TUBGCP4: variants seen among roughly 807,000 people sequenced by gnomAD.
TUBGCP4 encodes gamma-tubulin complex component 4.
Under a neutral mutation model 91.6 loss-of-function variants are expected in TUBGCP4, and 54 were observed. The ratio of observed to expected loss-of-function variants is 0.59; its 90% CI spans 0.47 to 0.74. The LOEUF (loss-of-function observed/expected upper bound fraction) is 0.74. Among genes scored for constraint, TUBGCP4 ranks in the 30% least tolerant of loss-of-function variants. TUBGCP4 has a pLI of 0.00. For synonymous variants in TUBGCP4, 297 were observed against 302.8 expected (o/e 0.98, Z 0.20); for missense variants, 593 against 800.9 (o/e 0.74, Z 3.13).
At position 43,407,819 on chromosome 15, in the gene TUBGCP4, T is replaced by C. The variant is rs1294070842; in HGVS notation, c.*2605T>C. Reference sequence around the variant, plus strand: ...GACTCACCTCTTGAAGGTGGTACTTTTCTTCTCTAAGAAACATGGATACGG... The same window carrying C: ...GACTCACCTCTTGAAGGTGGTACTTCTCTTCTCTAAGAAACATGGATACGG... On this transcript the variant is annotated 3_prime_UTR_variant, in exon 18 of 18. Coordinates refer to ENST00000564079, the MANE Select transcript of TUBGCP4 (RefSeq NM_014444.5). 1 of 1,059,300 alleles carries C rather than the reference T, an allele frequency of 9.4e-7. No individual in the cohort carries two copies. Among genetic ancestry groups the C allele is most frequent in the Non-Finnish European group, 1.4e-6 (1 of 733,284 alleles). 65.6% of individuals were successfully genotyped at this position (1,059,300 alleles called of 1,614,324 possible). A position where few individuals can be genotyped will look rare whatever the true frequency, so the allele number is the denominator to read the frequency against.
chr15:43,377,106 G>A (rs1021981071), intron 4 of TUBGCP4, 39 bp downstream of exon 4: 2 of 1,520,624 alleles, frequency 1.3e-6, no homozygotes, highest in Non-Finnish European at 1.8e-6. Flanking sequence ...GCAATCTGTT[G>A]ATAGTGTTAG....
At chr15:43,390,595 C>T (rs1452805141) in intron 9 of TUBGCP4, among the ~76,000 whole-genome samples, 2 of 151,346 alleles carry the variant, frequency 1.3e-5, no homozygotes, top group African/African-American at 2.4e-5. Flanking sequence ...CTGCAGCCTC[C>T]ACCTCCCAGG....
intron 13 of TUBGCP4, chr15:43,399,202 C>A: frequency 2.5e-6 from 3 of 1,178,820 alleles, no homozygotes; most frequent in South Asian, 1.5e-5. Flanking sequence ...TACCAGGAAT[C>A]AGCTGTTCTT....
At chr15:43,386,725 CAAAAA>C (rs10718458) in intron 9 of TUBGCP4, among the ~76,000 whole-genome samples, 3 of 67,012 alleles carry the variant, frequency 4.5e-5, no homozygotes, top group Admixed American at 1.7e-4. Context: ...ACTCTGTCTC[CAAAAA>C]AAAAAAAAAA....
At chr15:43,382,180 C>A in intron 6 of TUBGCP4, among the ~76,000 whole-genome samples, 1 of 150,516 alleles carries the variant, frequency 6.6e-6, no homozygotes, top group Non-Finnish European at 1.5e-5. Flanking sequence ...CTACAGCACT[C>A]CAGCCTGGGC....
At chr15:43,387,247 G>A (rs1053237942) in intron 9 of TUBGCP4, among the ~76,000 whole-genome samples, 1 of 151,562 alleles carries the variant, frequency 6.6e-6, no homozygotes, top group Non-Finnish European at 1.5e-5. Flanking sequence ...CCGACTCCTG[G>A]TGCACAGTCT....
In TUBGCP4 at chr15:43,398,383, A is replaced by T. The variant is rs992457636; in HGVS notation, c.1418+204A>T. 41 of 81,804 alleles carry T rather than the reference A, an allele frequency of 5.0e-4. No homozygotes were observed. In the African/African-American group the frequency reaches 8.3e-3, roughly 17 times the overall value. The allele number at this position is 81,804 out of a possible 1,614,324, so 5.1% of individuals were successfully genotyped here. A position where few individuals can be genotyped will look rare whatever the true frequency, so the allele number is the denominator to read the frequency against. On this transcript the variant is annotated intron_variant, in intron 13 of 17. Transcript: ENST00000564079. Reference sequence around the variant, plus strand: ...CAACATAGTAAGACCCCCATCTCATAAAAAAAAAAAAAAAAATTAATGGGA... The same window carrying T: ...CAACATAGTAAGACCCCCATCTCATTAAAAAAAAAAAAAAAATTAATGGGA...
At chr15:43,396,243 C>T (rs1403435234) in intron 11 of TUBGCP4, among the ~76,000 whole-genome samples, 1 of 152,180 alleles carries the variant, frequency 6.6e-6, no homozygotes, top group Non-Finnish European at 1.5e-5. Flanking sequence ...AGGAACTGAA[C>T]CCAGTCCCTC....
rs1042923059 is a variant in TUBGCP4 at position 43,397,249 on chromosome 15, G to T, written c.1207G>T (p.Val403Leu). ...GGCCTTTCAACAGTCAGCACACAAGGTATTGCTAGATGATGACAACCTTCT... is the reference window on the plus strand; with the variant it reads ...GGCCTTTCAACAGTCAGCACACAAGTTATTGCTAGATGATGACAACCTTCT... Reference protein sequence around the residue: ...NVAFQQSAHKVLLDDDNLLPL... With the variant: ...NVAFQQSAHKLLLDDDNLLPL... Residue 403 changes from valine to leucine, a missense_variant, in exon 12 of 18, where the codon GTA becomes TTA. By Grantham distance (32) the Val-to-Leu change is conservative. Coordinates refer to ENST00000564079, the MANE Select transcript of TUBGCP4 (RefSeq NM_014444.5). The T allele has an allele frequency of 1.9e-6, 3 of 1,614,026 alleles. No individual in the cohort carries two copies. The highest frequency in any genetic ancestry group is 3.3e-5 in the Admixed American group (2 of 59,988).
At position 43,386,173 on chromosome 15, in the gene TUBGCP4, G is replaced by A. The variant is rs549445715; in HGVS notation, c.890-33G>A. ...ACCCTAACTGTCCTGGGTATTCTCCGTCCTCCTTTGACGGTGTCTTCCTAT... is the reference window on the plus strand; with the variant it reads ...ACCCTAACTGTCCTGGGTATTCTCCATCCTCCTTTGACGGTGTCTTCCTAT... On this transcript the variant is annotated intron_variant, in intron 8 of 17. Coordinates refer to ENST00000564079, the MANE Select transcript of TUBGCP4 (RefSeq NM_014444.5). 46 of 1,587,662 alleles carry A rather than the reference G, an allele frequency of 2.9e-5. No individual in the cohort carries two copies. The Admixed American group carries it at 5.7e-4, about 20-fold the overall frequency.
In TUBGCP4 at chr15:43,406,539, G is replaced by A. The variant is rs2044889905; in HGVS notation, c.*1325G>A. 2.2e-6 allele frequency: 1 copy of A among 454,686 alleles called. No individual in the cohort carries two copies. Among genetic ancestry groups the A allele is most frequent in the Non-Finnish European group, 4.4e-6 (1 of 226,402 alleles). 28.2% of individuals were successfully genotyped at this position (454,686 alleles called of 1,614,324 possible). A position where few individuals can be genotyped will look rare whatever the true frequency, so the allele number is the denominator to read the frequency against. ...TTTCATGCCCTCACAGCAAAGGCGA[G>A]TAGTTGTGATGGATCAAATGGCCCA... On this transcript the variant is annotated 3_prime_UTR_variant, in exon 18 of 18. Transcript: ENST00000564079.
intron 14 of TUBGCP4, 39 bp downstream of exon 14, chr15:43,400,260 A>T: frequency 6.3e-7 from 1 of 1,586,584 alleles, no homozygotes; most frequent in Non-Finnish European, 8.6e-7. Flanking sequence ...GGGGTACGGA[A>T]AAACGTCTAG....
chr15:43,406,738 G>A lies in TUBGCP4; in HGVS notation c.*1524G>A, dbSNP rs888687014. 1.3e-5 allele frequency: 5 copies of A among 397,302 alleles called. No individual in the cohort carries two copies. The highest frequency in any genetic ancestry group is 2.0e-5 in the Non-Finnish European group (4 of 201,624). The allele number at this position is 397,302 out of a possible 1,614,324, so 24.6% of individuals were successfully genotyped here. ...AATATTGGGTCTTTGACTAGAACGT[G>A]TAACATTTCCAGGTGTTCTCACTTG... On this transcript the variant is annotated 3_prime_UTR_variant, in exon 18 of 18. Coordinates refer to ENST00000564079, the MANE Select transcript of TUBGCP4 (RefSeq NM_014444.5).
chr15:43,386,067 C>G, intron 8 of TUBGCP4, 111 bp downstream of exon 8: 2 of 1,524,356 alleles, frequency 1.3e-6, no homozygotes, highest in Non-Finnish European at 1.8e-6. Flanking sequence ...TATTCCTATC[C>G]TGAGATTGTA....
Position 43,404,697 on chromosome 15 carries a change from A to G in TUBGCP4, c.1988+145A>G. 7.2e-6 allele frequency: 6 copies of G among 837,576 alleles called. No homozygotes were observed. The South Asian group carries it at 1.2e-4, about 17-fold the overall frequency. The allele number at this position is 837,576 out of a possible 1,614,324, so 51.9% of individuals were successfully genotyped here. A position where few individuals can be genotyped will look rare whatever the true frequency, so the allele number is the denominator to read the frequency against. ...AGAGATAGAGGTGTGACCATCTTTA[A>G]TAATTTTAATGGAGGTTATTTTCTA... On this transcript the variant is annotated intron_variant, in intron 17 of 17. Transcript: ENST00000564079.
chr15:43,392,141 C>A (rs2044481564), intron 9 of TUBGCP4, among the ~76,000 whole-genome samples: 2 of 148,836 alleles, frequency 1.3e-5, no homozygotes, highest in African/African-American at 5.0e-5. Context: ...TGTTTGAATT[C>A]TGTGTTTCAT....
chr15:43,379,944 C>A, intron 5 of TUBGCP4, 140 bp from the exon 6 acceptor site: 1 of 777,980 alleles, frequency 1.3e-6, no homozygotes, highest in Non-Finnish European at 2.2e-6. Context: ...TCTTTGAGAA[C>A]CACTATGTGT....
At position 43,405,122 on chromosome 15, in the gene TUBGCP4, A is replaced by C. The variant is rs182183410; in HGVS notation, c.1989-80A>C. The C allele has an allele frequency of 2.3e-5, 34 of 1,500,932 alleles. No homozygotes were observed. In the African/African-American group the frequency reaches 3.9e-4, roughly 17 times the overall value. 93.0% of individuals were successfully genotyped at this position (1,500,932 alleles called of 1,614,324 possible). On this transcript the variant is annotated intron_variant, in intron 17 of 17. Coordinates refer to ENST00000564079, the MANE Select transcript of TUBGCP4 (RefSeq NM_014444.5). ...TTTAAGATGACATTATTTAGATCAC[A>C]GGTTATCCTGATTCATATTTCTTTG...
chr15:43,386,090 C>T (rs569993963), intron 8 of TUBGCP4, 116 bp from the exon 9 acceptor site: 19 of 1,521,884 alleles, frequency 1.2e-5, no homozygotes, highest in African/African-American at 1.2e-4. Context: ...AGAATCATGA[C>T]GTTTGTCTGA....
Sources: gnomAD v4.1 joint callset for allele counts (sites outside exome capture counted in the v4.1 genomes callset) on GRCh38, gnomAD v4.1.1 for gene constraint, MANE v1.5 for transcripts, NCBI Gene and HGNC (gene_info 2026-07-23, HGNC 2026-07-21) for gene names.